INSC: variants seen among roughly 807,000 people sequenced by gnomAD.
INSC encodes INSC spindle orientation adaptor protein, also known as protein inscuteable homolog.
Under a neutral mutation model 58.6 loss-of-function variants are expected in INSC, and 67 were observed. That is an observed-to-expected ratio of 1.14 (90% CI 0.94 to 1.40). The LOEUF (loss-of-function observed/expected upper bound fraction) is 1.40, where lower values mean the gene tolerates loss of function less well. Ranked by LOEUF, INSC falls within the 40% of genes most tolerant of loss-of-function variation. INSC has a pLI of 0.00. For missense variants in INSC, 714 were observed against 692.0 expected (o/e 1.03, Z -0.36); for synonymous variants, 262 against 276.1 (o/e 0.95, Z 0.51).
intron 9 of INSC, among the ~76,000 whole-genome samples, chr11:15,227,172 A>G (rs1851672475): frequency 6.6e-6 from 1 of 152,168 alleles, no homozygotes; most frequent in African/African-American, 2.4e-5. Flanking sequence ...ATTAAATTTA[A>G]ATCCTGACTT....
chr11:15,116,399 C>A (rs1481274136), intron 1 of INSC, among the ~76,000 whole-genome samples: 2 of 152,172 alleles, frequency 1.3e-5, no homozygotes, highest in Non-Finnish European at 2.9e-5. Flanking sequence ...TTTGAGTCTC[C>A]CTCCCACAGG....
chr11:15,162,914 C>A (rs866030131), intron 2 of INSC, among the ~76,000 whole-genome samples: 9 of 152,126 alleles, frequency 5.9e-5, no homozygotes, highest in Admixed American at 1.3e-4. Context: ...CAAACTGAAC[C>A]TATCATTGTG....
In INSC at chr11:15,229,992, TATATATATATATATATATATA is replaced by T. The variant is rs1564917481; in HGVS notation, c.1170+4186_1170+4206del. 8.4e-3 allele frequency among the ~76,000 whole-genome samples: 251 copies of T among 30,024 alleles called. 4 individuals carry two copies. Among genetic ancestry groups the T allele is most frequent in the Middle Eastern group, 0.026 (1 of 38 alleles). 19.7% of individuals were successfully genotyped at this position (30,024 alleles called of 152,430 possible). A position where few individuals can be genotyped will look rare whatever the true frequency, so the allele number is the denominator to read the frequency against. On this transcript the variant is annotated intron_variant, in intron 9 of 12. Transcript: ENST00000379556. ...TATATATATATATTATATATATATA[TATATATATATATATATATATA>T]ATATATATATATATATATATATATA...
At chr11:15,216,429 C>T (rs944152610) in intron 7 of INSC, among the ~76,000 whole-genome samples, 3 of 152,174 alleles carry the variant, frequency 2.0e-5, no homozygotes, top group Non-Finnish European at 4.4e-5. Flanking sequence ...TCTCCATTTT[C>T]GTGTTGCTGT....
upstream of INSC, chr11:15,112,651 G>GC (rs199734160): frequency 4.1e-6 from 2 of 485,496 alleles, no homozygotes; most frequent in Admixed American, 4.5e-5. Flanking sequence ...GGGAAGTGGG[G>GC]GGGGGGCATT....
intron 6 of INSC, among the ~76,000 whole-genome samples, chr11:15,200,100 G>A (rs1018713196): frequency 6.6e-6 from 1 of 150,966 alleles, no homozygotes; most frequent in Non-Finnish European, 1.5e-5. Flanking sequence ...AAAAGGAAAA[G>A]TACATGCTCA....
chr11:15,263,364 CTG>C, the INSC span, among the ~76,000 whole-genome samples: 1 of 152,022 alleles, frequency 6.6e-6, no homozygotes, highest in Non-Finnish European at 1.5e-5. Context: ...CATTCAGAAA[CTG>C]TGATGATTTG....
At chr11:15,239,569 C>G (rs920854401) in intron 11 of INSC, among the ~76,000 whole-genome samples, 1 of 152,132 alleles carries the variant, frequency 6.6e-6, no homozygotes, top group Non-Finnish European at 1.5e-5. Context: ...GAGCACCCAC[C>G]CTATGCTAAG....
intron 2 of INSC, among the ~76,000 whole-genome samples, chr11:15,161,787 C>T (rs1446494419): frequency 3.3e-5 from 5 of 152,162 alleles, no homozygotes; most frequent in African/African-American, 1.2e-4. Context: ...GCATGGGATT[C>T]AGAGGCAGAT....
intron 4 of INSC, 91 bp downstream of exon 4, chr11:15,177,254 A>AGGGTCTGCCCACCCGACCTC: frequency 1.1e-6 from 1 of 951,236 alleles, no homozygotes; most frequent in Non-Finnish European, 1.7e-6. Flanking sequence ...GAGAATGGGA[A>AGGGTCTGCCCACCCGACCTC]TGGGAGGCGT....
chr11:15,217,207 A>T (rs1851251920), intron 7 of INSC, among the ~76,000 whole-genome samples: 2 of 152,168 alleles, frequency 1.3e-5, no homozygotes, highest in Non-Finnish European at 2.9e-5. Flanking sequence ...CCTTGTTCAC[A>T]TGGCAGCAGC....
At chr11:15,199,534 A>T (rs1439902924) in intron 6 of INSC, among the ~76,000 whole-genome samples, 3 of 152,190 alleles carry the variant, frequency 2.0e-5, no homozygotes. Context: ...ATCGTCATTC[A>T]CTGCTGCATT....
At chr11:15,163,250 C>T (rs1849078554) in intron 2 of INSC, among the ~76,000 whole-genome samples, 1 of 152,160 alleles carries the variant, frequency 6.6e-6, no homozygotes, top group Non-Finnish European at 1.5e-5. Flanking sequence ...GTGGAATTTT[C>T]TGTCTCTTAT....
chr11:15,190,638 C>T (rs985905292), intron 5 of INSC, 63 bp from the exon 6 acceptor site: 2 of 1,148,322 alleles, frequency 1.7e-6, no homozygotes, highest in African/African-American at 3.0e-5. Flanking sequence ...TGGTGTTCCA[C>T]TAAGATGAGC....
intron 1 of INSC, among the ~76,000 whole-genome samples, chr11:15,144,505 A>G (rs1467524848): frequency 6.6e-6 from 1 of 151,888 alleles, no homozygotes; most frequent in African/African-American, 2.4e-5. Context: ...GTGCTGTCCA[A>G]CTCCTCTTCA....
intron 6 of INSC, among the ~76,000 whole-genome samples, chr11:15,194,632 G>A (rs911375668): frequency 6.6e-6 from 1 of 152,174 alleles, no homozygotes; most frequent in African/African-American, 2.4e-5. Context: ...TGTCTTTAAT[G>A]CATTATATAA....
At chr11:15,135,632 T>C (rs552461306) in intron 1 of INSC, among the ~76,000 whole-genome samples, 3 of 152,236 alleles carry the variant, frequency 2.0e-5, no homozygotes, top group Admixed American at 6.5e-5. Context: ...CATACTACTT[T>C]GGTCACATAG....
At chr11:15,176,409 A>T (rs762958805) in intron 3 of INSC, among the ~76,000 whole-genome samples, 1 of 152,126 alleles carries the variant, frequency 6.6e-6, no homozygotes, top group Non-Finnish European at 1.5e-5. Flanking sequence ...TAGCTCTGCT[A>T]TGTGGACCTC....
At chr11:15,255,609 T>G in the INSC span, among the ~76,000 whole-genome samples, 2 of 152,228 alleles carry the variant, frequency 1.3e-5, no homozygotes, top group African/African-American at 4.8e-5. Flanking sequence ...GATCTATTTA[T>G]TTCTACAATC....
Sources: gnomAD v4.1 joint callset for allele counts (sites outside exome capture counted in the v4.1 genomes callset) on GRCh38, gnomAD v4.1.1 for gene constraint, MANE v1.5 for transcripts, NCBI Gene and HGNC (gene_info 2026-07-23, HGNC 2026-07-21) for gene names.